The following TENM3 variants were observed in gnomAD, a reference collection of about 807,000 sequenced individuals.
The protein encoded by TENM3 is teneurin-3.
A neutral mutation model predicts 255.1 loss-of-function variants in TENM3; 63 were observed. The ratio of observed to expected loss-of-function variants is 0.25; its 90% CI spans 0.20 to 0.30. TENM3 has a LOEUF of 0.30. Ranked by LOEUF, TENM3 falls within the 10% of genes least tolerant of loss-of-function variation. TENM3 has a pLI of 1.00. For synonymous variants in TENM3, 1,306 were observed against 1,322.3 expected, an observed-to-expected ratio of 0.99 and a Z score of 0.27; for missense variants, 2,929 against 3,461.1, an observed-to-expected ratio of 0.85 and a Z score of 3.86.
the TENM3 span, among the ~76,000 whole-genome samples, chr4:181,633,962 A>T: frequency 1.3e-5 from 2 of 151,578 alleles, no homozygotes; most frequent in Non-Finnish European, 1.5e-5. Flanking sequence ...AGGGAAGAAG[A>T]TCTCCTCTTT....
At chr4:181,635,242 A>G in the TENM3 span, among the ~76,000 whole-genome samples, 1 of 152,214 alleles carries the variant, frequency 6.6e-6, no homozygotes, top group East Asian at 1.9e-4. Context: ...TTACATAATT[A>G]ATATTGCACC....
chr4:181,936,054 G>A, the TENM3 span, among the ~76,000 whole-genome samples: 5 of 152,008 alleles, frequency 3.3e-5, no homozygotes, highest in Admixed American at 3.3e-4. Context: ...ATTTATTACG[G>A]GATTAATGAA....
At chr4:182,694,663 A>T (rs1358354647) in intron 12 of TENM3, among the ~76,000 whole-genome samples, 1 of 152,218 alleles carries the variant, frequency 6.6e-6, no homozygotes, top group African/African-American at 2.4e-5. Context: ...TCACAAAGAC[A>T]TGCTTTGTTT....
the TENM3 span, among the ~76,000 whole-genome samples, chr4:181,570,396 G>A: frequency 1.3e-5 from 2 of 152,056 alleles, no homozygotes; most frequent in African/African-American, 4.8e-5. Flanking sequence ...AGCTGCTCAG[G>A]AGGCTGAGTT....
chr4:182,149,272 A>C (rs1031629468), intron 1 of TENM3, among the ~76,000 whole-genome samples: 1 of 151,992 alleles, frequency 6.6e-6, no homozygotes, highest in Admixed American at 6.6e-5. Flanking sequence ...CAAGTGCTAG[A>C]GTATAAACTA....
chr4:182,681,632 G>A (rs1756184861), intron 10 of TENM3, among the ~76,000 whole-genome samples, 182 bp from the exon 11 acceptor site: 1 of 152,146 alleles, frequency 6.6e-6, no homozygotes, highest in African/African-American at 2.4e-5. Flanking sequence ...GCATTAGGCT[G>A]GATCTTAATG....
At chr4:181,591,324 TA>T in the TENM3 span, among the ~76,000 whole-genome samples, 2,201 of 152,340 alleles carry the variant, frequency 0.014, 30 homozygotes, top group South Asian at 0.05. Flanking sequence ...GGAAGTTTAT[TA>T]AAAATTGAAA....
intron 3 of TENM3, among the ~76,000 whole-genome samples, chr4:182,358,033 T>C (rs1043557722): frequency 2.0e-4 from 28 of 138,222 alleles, no homozygotes; most frequent in Admixed American, 4.5e-4. Flanking sequence ...GTTGTAGATA[T>C]GCGGCGTTAT....
Position 182,688,155 on chromosome 4 carries a change from C to A in TENM3, c.2036-11C>A. The stretch of plus-strand genomic sequence containing the variant: ...TTCTCTCCTGTTTTGTGTCCTCTTC[C>A]TCCCACATAGAAATATGTTCTGTGG... On this transcript the variant is annotated splice_polypyrimidine_tract_variant and intron_variant, in intron 11 of 27. Transcript: ENST00000511685. The A allele has an allele frequency of 6.3e-7, 1 of 1,579,414 alleles. No individual in the cohort carries two copies. The highest frequency in any genetic ancestry group is 1.8e-5 in the Admixed American group (1 of 56,682).
At position 182,621,455 on chromosome 4, in the gene TENM3, A is replaced by G. The variant is rs565739470; in HGVS notation, c.750-7196A>G. Reference sequence around the variant, plus strand: ...TACAGGTCCCAATCTGAGGAGGGGTACTTCTGAGATTTAAAGTCAGTGGCT... The same window carrying G: ...TACAGGTCCCAATCTGAGGAGGGGTGCTTCTGAGATTTAAAGTCAGTGGCT... On this transcript the variant is annotated intron_variant, in intron 4 of 27. Transcript: ENST00000511685. 3.3e-5 allele frequency among the ~76,000 whole-genome samples: 5 copies of G among 149,866 alleles called. No homozygotes were observed. In the East Asian group the frequency reaches 8.0e-4, roughly 24 times the overall value.
chr4:181,519,651 T>A, the TENM3 span, among the ~76,000 whole-genome samples: 1 of 152,366 alleles, frequency 6.6e-6, no homozygotes, highest in African/African-American at 2.4e-5. Context: ...TATAGATTGT[T>A]GTTACATCAT....
the TENM3 span, among the ~76,000 whole-genome samples, chr4:181,711,507 C>A: frequency 6.6e-6 from 1 of 152,106 alleles, no homozygotes; most frequent in South Asian, 2.1e-4. Flanking sequence ...AGAAACAAAA[C>A]AATCCTATTT....
the TENM3 span, among the ~76,000 whole-genome samples, chr4:181,817,297 T>C: frequency 6.6e-6 from 1 of 152,152 alleles, no homozygotes; most frequent in African/African-American, 2.4e-5. Context: ...GCCACAGGGG[T>C]CATTATAGGA....
chr4:182,702,067 A>C (rs1757917365), intron 12 of TENM3, among the ~76,000 whole-genome samples: 1 of 152,218 alleles, frequency 6.6e-6, no homozygotes, highest in South Asian at 2.1e-4. Flanking sequence ...GAGTATCTAC[A>C]CTTTTTTAGA....
chr4:181,851,421 G>A, the TENM3 span, among the ~76,000 whole-genome samples: 2 of 152,140 alleles, frequency 1.3e-5, no homozygotes, highest in East Asian at 1.9e-4. Flanking sequence ...GACAAGGTGA[G>A]TTTTAGCACT....
chr4:182,304,900 G>A (rs1295410597), intron 1 of TENM3, among the ~76,000 whole-genome samples: 1 of 152,190 alleles, frequency 6.6e-6, no homozygotes, highest in African/African-American at 2.4e-5. Flanking sequence ...TGAATGACAG[G>A]TGCTACGACA....
the TENM3 span, among the ~76,000 whole-genome samples, chr4:181,662,983 C>A: frequency 2.0e-5 from 3 of 152,202 alleles, no homozygotes; most frequent in East Asian, 1.9e-4. Flanking sequence ...CAACGATACC[C>A]GGAGCTTAGA....
chr4:181,808,024 C>T, the TENM3 span, among the ~76,000 whole-genome samples: 1 of 152,176 alleles, frequency 6.6e-6, no homozygotes, highest in African/African-American at 2.4e-5. Flanking sequence ...CCCATGGGAG[C>T]TCCCTAAATA....
chr4:182,149,418 G>A (rs1750181302), intron 1 of TENM3, among the ~76,000 whole-genome samples: 1 of 151,946 alleles, frequency 6.6e-6, no homozygotes, highest in Admixed American at 6.6e-5. Context: ...TGCCTAGCTA[G>A]AACAGCTACA....
Sources: gnomAD v4.1 joint callset for allele counts (sites outside exome capture counted in the v4.1 genomes callset) on GRCh38, gnomAD v4.1.1 for gene constraint, MANE v1.5 for transcripts, NCBI Gene and HGNC (gene_info 2026-07-23, HGNC 2026-07-21) for gene names.